FOXO3: variants seen among roughly 807,000 people sequenced by gnomAD.
FOXO3 encodes forkhead box protein O3.
A neutral mutation model predicts 41.9 loss-of-function variants in FOXO3; 4 were observed. That is an observed-to-expected ratio of 0.10 (90% CI 0.05 to 0.22). FOXO3 has a LOEUF of 0.22. FOXO3 is among the 10% of genes least tolerant of loss of function. The probability of loss-of-function intolerance (pLI) is 1.00; values close to 1 mark genes in which losing one functional copy is unlikely to be tolerated. For synonymous variants in FOXO3, 318 were observed against 389.3 expected, an observed-to-expected ratio of 0.82 and a Z score of 2.16; for missense variants, 534 against 906.8, an observed-to-expected ratio of 0.59 and a Z score of 5.28.
At chr6:108,560,492 G>A (rs1775740444), upstream of FOXO3, among the ~76,000 whole-genome samples, 1 of 152,174 alleles carries the variant, frequency 6.6e-6, no homozygotes, top group African/African-American at 2.4e-5. Context: ...ACCCCCGTTC[G>A]CCCTCTGGCC....
chr6:108,662,010 ATTAAC>A (rs1432435533), intron 1 of FOXO3, among the ~76,000 whole-genome samples: 3 of 152,324 alleles, frequency 2.0e-5, no homozygotes, highest in East Asian at 1.9e-4. Flanking sequence ...ATATATTATT[ATTAAC>A]TTAAGTTTTT....
intron 1 of FOXO3, among the ~76,000 whole-genome samples, chr6:108,564,562 A>G (rs1176072313): frequency 1.3e-5 from 2 of 152,208 alleles, no homozygotes; most frequent in Non-Finnish European, 2.9e-5. Context: ...ACTTCTTTTC[A>G]GGCTATTTGG....
chr6:108,574,343 C>T (rs1030597573), intron 1 of FOXO3, among the ~76,000 whole-genome samples: 12 of 151,882 alleles, frequency 7.9e-5, no homozygotes, highest in Non-Finnish European at 1.0e-4. Context: ...AATAGAGTGA[C>T]GCATGGTAGG....
intron 1 of FOXO3, among the ~76,000 whole-genome samples, chr6:108,635,541 T>C (rs1264002531): frequency 6.6e-6 from 1 of 152,146 alleles, no homozygotes; most frequent in Admixed American, 6.5e-5. Flanking sequence ...TTTAAATGTG[T>C]CACAAAAAGA....
intron 1 of FOXO3, among the ~76,000 whole-genome samples, chr6:108,614,437 C>T (rs931240138): frequency 6.6e-6 from 1 of 152,082 alleles, no homozygotes; most frequent in Non-Finnish European, 1.5e-5. Context: ...GTTATATCCT[C>T]CTGATACATT....
chr6:108,584,114 G>T (rs184512964), intron 1 of FOXO3, among the ~76,000 whole-genome samples: 1 of 152,128 alleles, frequency 6.6e-6, no homozygotes, highest in Non-Finnish European at 1.5e-5. Context: ...TCATTCCGCC[G>T]GCACGGTAAT....
chr6:108,632,496 C>A (rs1777999799), intron 1 of FOXO3, among the ~76,000 whole-genome samples: 1 of 152,188 alleles, frequency 6.6e-6, no homozygotes, highest in Non-Finnish European at 1.5e-5. Flanking sequence ...TCTTTCTCCC[C>A]TAACCCACTG....
At chr6:108,598,254 T>C (rs1776943305) in intron 1 of FOXO3, among the ~76,000 whole-genome samples, 1 of 152,314 alleles carries the variant, frequency 6.6e-6, no homozygotes, top group East Asian at 1.9e-4. Context: ...TGTGCATCTT[T>C]CTGTTCTTTG....
intron 1 of FOXO3, among the ~76,000 whole-genome samples, chr6:108,631,445 C>G (rs539090966): frequency 1.3e-5 from 2 of 152,094 alleles, no homozygotes; most frequent in Admixed American, 1.3e-4. Flanking sequence ...ACCCCGCAAT[C>G]CATATGCAAT....
At chr6:108,659,895 G>A (rs1778793979) in intron 1 of FOXO3, among the ~76,000 whole-genome samples, 1 of 152,232 alleles carries the variant, frequency 6.6e-6, no homozygotes, top group African/African-American at 2.4e-5. Flanking sequence ...GCATTTTGCA[G>A]TTCTATAAGA....
intron 1 of FOXO3, among the ~76,000 whole-genome samples, chr6:108,565,909 A>T (rs891549954): frequency 5.3e-5 from 8 of 152,110 alleles, no homozygotes; most frequent in Non-Finnish European, 1.2e-4. Context: ...ATCATTCCAC[A>T]TTGGCTCATA....
intron 1 of FOXO3, among the ~76,000 whole-genome samples, chr6:108,608,792 A>G (rs1777277556): frequency 1.3e-5 from 2 of 152,192 alleles, no homozygotes; most frequent in African/African-American, 4.8e-5. Flanking sequence ...AGTTTGAAGA[A>G]ATATCCTATT....
At chr6:108,649,008 T>TAAA (rs10612637) in intron 1 of FOXO3, among the ~76,000 whole-genome samples, 7 of 79,120 alleles carry the variant, frequency 8.8e-5, no homozygotes, top group Admixed American at 3.0e-4. Context: ...ACCTATCTCT[T>TAAA]AAAAAAAAAA....
chr6:108,611,460 T>C (rs756290832), intron 1 of FOXO3, among the ~76,000 whole-genome samples: 1 of 152,320 alleles, frequency 6.6e-6, no homozygotes, highest in African/African-American at 2.4e-5. Context: ...CCAGAGTGAA[T>C]GTACTGTTTT....
intron 1 of FOXO3, among the ~76,000 whole-genome samples, chr6:108,626,549 A>C (rs1176430722): frequency 7.2e-5 from 11 of 152,160 alleles, no homozygotes; most frequent in Non-Finnish European, 1.6e-4. Context: ...TCGGCTTATA[A>C]GTTAGAATGG....
At chr6:108,579,233 T>C (rs190901626) in intron 1 of FOXO3, among the ~76,000 whole-genome samples, 3 of 152,208 alleles carry the variant, frequency 2.0e-5, no homozygotes, top group East Asian at 3.8e-4. Flanking sequence ...CAAGATGATA[T>C]GGCTTGAGTG....
chr6:108,612,885 A>G (rs989789962), intron 1 of FOXO3, among the ~76,000 whole-genome samples: 2 of 152,082 alleles, frequency 1.3e-5, no homozygotes, highest in Non-Finnish European at 1.5e-5. Context: ...GTTAGGTGTA[A>G]GTTTGTCACA....
At chr6:108,639,753 A>G (rs537895674) in intron 1 of FOXO3, 1 of 196,264 alleles carries the variant, frequency 5.1e-6, no homozygotes, top group East Asian at 1.9e-4. Flanking sequence ...CTAAAAGTAC[A>G]TATCAATTAA....
intron 1 of FOXO3, among the ~76,000 whole-genome samples, chr6:108,629,724 G>A (rs991315896): frequency 8.6e-5 from 13 of 151,764 alleles, no homozygotes; most frequent in African/African-American, 3.2e-4. Flanking sequence ...TACTTTGTAT[G>A]TGTTGTTCTC....
Sources: allele counts gnomAD v4.1 joint callset (sites outside exome capture counted in the v4.1 genomes callset), GRCh38; gene constraint gnomAD v4.1.1; transcripts MANE v1.5; gene names NCBI Gene and HGNC (gene_info 2026-07-23, HGNC 2026-07-21).